CDH18: variants seen among roughly 807,000 people sequenced by gnomAD.
CDH18 encodes cadherin-18.
CDH18 carries 31 observed loss-of-function variants against 67.9 expected under a neutral mutation model. The ratio of observed to expected loss-of-function variants is 0.46; its 90% confidence interval spans 0.34 to 0.62. The LOEUF is 0.62. Ranked by LOEUF, CDH18 falls within the 20% of genes least tolerant of loss-of-function variation. CDH18 has a pLI of 0.01. For synonymous variants in CDH18, 362 were observed against 347.2 expected (o/e 1.04, Z -0.48); for missense variants, 890 against 975.5 (o/e 0.91, Z 1.17).
chr5:19,521,904 T>C (rs975639830), intron 9 of CDH18, among the ~76,000 whole-genome samples: 1 of 151,872 alleles, frequency 6.6e-6, no homozygotes, highest in Admixed American at 6.6e-5. Flanking sequence ...TCAAAATTTT[T>C]ATTTATTTAT....
intron 1 of CDH18, among the ~76,000 whole-genome samples, chr5:20,366,549 A>G (rs1194960562): frequency 6.6e-6 from 1 of 152,230 alleles, no homozygotes; most frequent in African/African-American, 2.4e-5. Context: ...AGCTGGAGCC[A>G]GACTGCACGG....
chr5:19,840,115 A>AG (rs1439257402), intron 2 of CDH18, among the ~76,000 whole-genome samples: 1 of 150,802 alleles, frequency 6.6e-6, no homozygotes, highest in East Asian at 2.0e-4. Flanking sequence ...AATAAAAAAA[A>AG]AAATGAGCCG....
intron 4 of CDH18, among the ~76,000 whole-genome samples, chr5:19,742,377 C>T (rs113220344): frequency 9.3e-5 from 14 of 150,932 alleles, no homozygotes; most frequent in African/African-American, 3.4e-4. Context: ...CTTCCTATTT[C>T]CCCAAAACAC....
chr5:19,877,176 GT>G (rs1428894232), intron 2 of CDH18, among the ~76,000 whole-genome samples: 1 of 151,900 alleles, frequency 6.6e-6, no homozygotes, highest in Non-Finnish European at 1.5e-5. Context: ...GCGTGCTACA[GT>G]TTTGGTAAGA....
chr5:20,442,932 G>A (rs958176846), intron 1 of CDH18, among the ~76,000 whole-genome samples: 5 of 151,794 alleles, frequency 3.3e-5, no homozygotes, highest in African/African-American at 1.2e-4. Flanking sequence ...TATCTTGGCC[G>A]GGCGCGGTGG....
At chr5:19,481,883 C>CA in intron 12 of CDH18, among the ~76,000 whole-genome samples, 1 of 152,216 alleles carries the variant, frequency 6.6e-6, no homozygotes, top group East Asian at 1.9e-4. Context: ...AGACTTTGGA[C>CA]ACAGGTCCCC....
chr5:19,743,766 CA>C (rs375185797), intron 4 of CDH18, among the ~76,000 whole-genome samples: 335 of 151,922 alleles, frequency 2.2e-3, no homozygotes, highest in African/African-American at 7.8e-3. Context: ...ACTAAAATTA[CA>C]AACTTTAGCT....
At chr5:20,400,242 A>T (rs965743877) in intron 1 of CDH18, among the ~76,000 whole-genome samples, 2 of 152,040 alleles carry the variant, frequency 1.3e-5, no homozygotes, top group African/African-American at 2.4e-5. Flanking sequence ...ACCCTTTGGG[A>T]GCTGAGACGG....
chr5:19,644,259 A>C (rs1239095681), intron 5 of CDH18, among the ~76,000 whole-genome samples: 1 of 152,204 alleles, frequency 6.6e-6, no homozygotes, highest in Non-Finnish European at 1.5e-5. Flanking sequence ...TAGTTTATCA[A>C]GGAAGCTAGA....
At chr5:19,566,584 CCAT>C (rs1415337163) in intron 8 of CDH18, among the ~76,000 whole-genome samples, 1 of 152,120 alleles carries the variant, frequency 6.6e-6, no homozygotes, top group Non-Finnish European at 1.5e-5. Flanking sequence ...CCTTATAAAA[CCAT>C]CATATCTTGT....
chr5:19,743,158 G>A lies in CDH18; in HGVS notation c.523+3784C>T, dbSNP rs1028436727. On this transcript the variant is annotated intron_variant, in intron 4 of 12. Coordinates refer to ENST00000382275, the MANE Select transcript of CDH18 (RefSeq NM_004934.5). ...TCTTAGTATCACAGAAGGGAAGCCTGGATAGTCATTAGATAACTAACAGTA... is the reference window on the plus strand; with the variant it reads ...TCTTAGTATCACAGAAGGGAAGCCTAGATAGTCATTAGATAACTAACAGTA... Among the ~76,000 whole-genome samples the A allele has an allele frequency of 5.3e-5, 8 of 152,202 alleles. No individual in the cohort carries two copies. In the East Asian group the frequency reaches 1.4e-3, roughly 26 times the overall value.
At chr5:20,051,839 A>T (rs1341408295) in intron 2 of CDH18, among the ~76,000 whole-genome samples, 1 of 152,044 alleles carries the variant, frequency 6.6e-6, no homozygotes, top group African/African-American at 2.4e-5. Context: ...GAAAATGTAA[A>T]CACGATATAT....
intron 1 of CDH18, among the ~76,000 whole-genome samples, chr5:20,361,744 TTA>T (rs1742104076): frequency 6.6e-6 from 1 of 152,158 alleles, no homozygotes; most frequent in African/African-American, 2.4e-5. Context: ...ATCCTTCAGC[TTA>T]TGATTATATA....
chr5:20,286,127 G>A (rs1417526781), intron 1 of CDH18, among the ~76,000 whole-genome samples: 2 of 151,398 alleles, frequency 1.3e-5, no homozygotes, highest in Admixed American at 6.6e-5. Context: ...ATTATTATTA[G>A]AATACCTTGC....
At chr5:19,690,979 G>T (rs181097741) in intron 5 of CDH18, among the ~76,000 whole-genome samples, 1 of 151,680 alleles carries the variant, frequency 6.6e-6, no homozygotes, top group Non-Finnish European at 1.5e-5. Flanking sequence ...AACAACAAAA[G>T]CTACAGGTTA....
intron 3 of CDH18, among the ~76,000 whole-genome samples, chr5:19,800,585 T>C (rs1303266655): frequency 1.3e-5 from 2 of 152,028 alleles, no homozygotes; most frequent in Admixed American, 1.3e-4. Context: ...TTTATATATA[T>C]TGAAAAGGCA....
intron 1 of CDH18, among the ~76,000 whole-genome samples, chr5:20,259,433 CT>C (rs1488039903): frequency 6.6e-6 from 1 of 152,130 alleles, no homozygotes; most frequent in African/African-American, 2.4e-5. Context: ...TCCGCCACCC[CT>C]GAGGCCCCAA....
intron 3 of CDH18, among the ~76,000 whole-genome samples, chr5:19,747,974 G>A (rs1429298954): frequency 1.3e-5 from 2 of 150,476 alleles, no homozygotes; most frequent in East Asian, 3.9e-4. Context: ...CTAGCCGGGC[G>A]TGGTGGCGGG....
chr5:20,014,673 G>T (rs1254145060), intron 2 of CDH18, among the ~76,000 whole-genome samples: 1 of 152,110 alleles, frequency 6.6e-6, no homozygotes, highest in Non-Finnish European at 1.5e-5. Context: ...TCTAACACTA[G>T]AGAAGATTAA....
Sources: gnomAD v4.1 joint callset for allele counts (sites outside exome capture counted in the v4.1 genomes callset) on GRCh38, gnomAD v4.1.1 for gene constraint, MANE v1.5 for transcripts, NCBI Gene and HGNC (gene_info 2026-07-23, HGNC 2026-07-21) for gene names.